GNAO1: variants seen among roughly 807,000 people sequenced by gnomAD.
GNAO1 encodes G protein subunit alpha o1.
For missense variants in GNAO1, 166 were observed against 478.7 expected, an observed-to-expected ratio of 0.35 and a Z score of 6.10; for synonymous variants, 164 against 180.7, an observed-to-expected ratio of 0.91 and a Z score of 0.74.
intron 2 of GNAO1, among the ~76,000 whole-genome samples, chr16:56,233,845 G>C (rs979663166): frequency 6.6e-6 from 1 of 152,218 alleles, no homozygotes; most frequent in African/African-American, 2.4e-5. Context: ...TTGTCTGTGG[G>C]TTGGCACCAC....
Position 56,278,795 on chromosome 16 carries a change from C to T in GNAO1, c.303+2723C>T, listed in dbSNP as rs537557525. On this transcript the variant is annotated intron_variant, in intron 3 of 8. Coordinates refer to ENST00000262493, the MANE Select transcript of GNAO1 (RefSeq NM_020988.3). The stretch of plus-strand genomic sequence containing the variant: ...GGGGACAGAAAGTTCCAGACAAGCA[C>T]CCAGGCCCTGAGGGAGGAATGAGCC... Among the ~76,000 whole-genome samples the T allele has an allele frequency of 2.6e-5, 4 of 152,262 alleles. No individual in the cohort carries two copies. In the East Asian group the frequency reaches 7.7e-4, roughly 29 times the overall value.
At chr16:56,295,996 C>T (rs369219206) in intron 3 of GNAO1, among the ~76,000 whole-genome samples, 1 of 152,210 alleles carries the variant, frequency 6.6e-6, no homozygotes, top group Non-Finnish European at 1.5e-5. Flanking sequence ...GGACCTTGGC[C>T]GTCCTTACTG....
chr16:56,339,593 G>T (rs978410583), intron 6 of GNAO1, among the ~76,000 whole-genome samples: 4 of 152,220 alleles, frequency 2.6e-5, no homozygotes, highest in Non-Finnish European at 5.9e-5. Flanking sequence ...AGCTTCTGGA[G>T]CCAGGCCAGG....
At chr16:56,217,920 C>T (rs139614195) in intron 2 of GNAO1, among the ~76,000 whole-genome samples, 2 of 152,224 alleles carry the variant, frequency 1.3e-5, no homozygotes, top group African/African-American at 4.8e-5. Flanking sequence ...AAATTAACAG[C>T]AATGCATGGT....
chr16:56,290,785 G>A (rs2587881), intron 3 of GNAO1, among the ~76,000 whole-genome samples: 89,216 of 151,936 alleles, frequency 0.59, 26,890 homozygotes, highest in East Asian at 0.86. Context: ...CCCTATACCC[G>A]TTAGCATTCC....
At chr16:56,237,302 G>A (rs1439218169) in intron 2 of GNAO1, among the ~76,000 whole-genome samples, 1 of 152,204 alleles carries the variant, frequency 6.6e-6, no homozygotes, top group African/African-American at 2.4e-5. Context: ...CATCATCTAT[G>A]TACCTGACAT....
chr16:56,293,065 A>T (rs1466916445), intron 3 of GNAO1, among the ~76,000 whole-genome samples: 1 of 152,218 alleles, frequency 6.6e-6, no homozygotes. Flanking sequence ...GTATCAGGCC[A>T]GTGGACTGGG....
At chr16:56,250,108 G>A (rs2036786483) in intron 2 of GNAO1, among the ~76,000 whole-genome samples, 1 of 152,202 alleles carries the variant, frequency 6.6e-6, no homozygotes, top group Non-Finnish European at 1.5e-5. Context: ...AGAAGGGAGG[G>A]CGTTCTAGGT....
intron 2 of GNAO1, among the ~76,000 whole-genome samples, chr16:56,254,406 C>T (rs2036827892): frequency 6.6e-6 from 1 of 152,066 alleles, no homozygotes; most frequent in Non-Finnish European, 1.5e-5. Context: ...AATAAGTGTT[C>T]CTTTTATCAT....
intron 2 of GNAO1, among the ~76,000 whole-genome samples, chr16:56,209,861 A>G (rs1461821941): frequency 6.6e-6 from 1 of 152,064 alleles, no homozygotes; most frequent in South Asian, 2.1e-4. Flanking sequence ...CAGAGGGCAC[A>G]GTTATTCCAG....
At chr16:56,203,192 G>A (rs188729853) in intron 2 of GNAO1, among the ~76,000 whole-genome samples, 13 of 152,218 alleles carry the variant, frequency 8.5e-5, no homozygotes, top group Non-Finnish European at 1.8e-4. Context: ...TTACTCCACC[G>A]AGCTTTACTC....
chr16:56,321,841 A>G (rs574476984), intron 3 of GNAO1, among the ~76,000 whole-genome samples: 1 of 152,216 alleles, frequency 6.6e-6, no homozygotes, highest in East Asian at 1.9e-4. Context: ...TAAAGAAGTC[A>G]GCTCTAGCCG....
intron 6 of GNAO1, chr16:56,340,349 G>A (rs2037789211): frequency 6.6e-6 from 1 of 152,246 alleles, no homozygotes; most frequent in African/African-American, 2.4e-5. Context: ...GGATTAATTC[G>A]AGGATCTCTT....
intron 6 of GNAO1, chr16:56,344,433 G>A (rs1236478140): frequency 3.0e-6 from 3 of 1,005,440 alleles, no homozygotes; most frequent in East Asian, 1.9e-4. Context: ...AAAAGCCAGG[G>A]TGGGATCAGG....
At chr16:56,257,210 A>G (rs2036860156) in intron 2 of GNAO1, among the ~76,000 whole-genome samples, 1 of 152,110 alleles carries the variant, frequency 6.6e-6, no homozygotes, top group African/African-American at 2.4e-5. Flanking sequence ...TTAGGAGCCC[A>G]TTTATTCTGC....
chr16:56,350,751 C>T (rs2037912302), intron 6 of GNAO1, among the ~76,000 whole-genome samples: 1 of 152,106 alleles, frequency 6.6e-6, no homozygotes. Flanking sequence ...GGCATGCCTT[C>T]CCCTGAGACC....
intron 2 of GNAO1, among the ~76,000 whole-genome samples, chr16:56,249,016 C>T (rs551180110): frequency 6.6e-6 from 1 of 152,246 alleles, no homozygotes; most frequent in South Asian, 2.1e-4. Context: ...CTCTACTAGG[C>T]CGCACAAATT....
chr16:56,350,390 T>G (rs1327880728), intron 6 of GNAO1, among the ~76,000 whole-genome samples: 2 of 152,184 alleles, frequency 1.3e-5, no homozygotes, highest in Admixed American at 6.5e-5. Context: ...TCCCACTCCC[T>G]GTGCAGAAAT....
chr16:56,341,266 G>A (rs561537950), intron 6 of GNAO1, among the ~76,000 whole-genome samples: 1 of 152,322 alleles, frequency 6.6e-6, no homozygotes, highest in East Asian at 1.9e-4. Context: ...TGCGCACAGG[G>A]GCTCTCTGTG....
Sources: gnomAD v4.1 joint callset for allele counts (sites outside exome capture counted in the v4.1 genomes callset) on GRCh38, gnomAD v4.1.1 for gene constraint, MANE v1.5 for transcripts, NCBI Gene and HGNC (gene_info 2026-07-23, HGNC 2026-07-21) for gene names.